LMLN: variants seen among roughly 807,000 people sequenced by gnomAD.
LMLN encodes the protein leishmanolysin like peptidase, also known as leishmanolysin-like peptidase.
LMLN carries 70 observed loss-of-function variants against 92.3 expected under a neutral mutation model. The observed-to-expected ratio is 0.76, with a 90% CI of 0.63 to 0.92. The LOEUF (loss-of-function observed/expected upper bound fraction) is 0.92, where lower values mean the gene tolerates loss of function less well. Among genes scored for constraint, LMLN ranks in the 40% least tolerant of loss-of-function variants. The pLI is 0.00. For missense variants in LMLN, 691 were observed against 814.6 expected (o/e 0.85, Z 1.85); for synonymous variants, 308 against 296.2 (o/e 1.04, Z -0.41).
rs146329892 is a variant in LMLN at position 198,000,080 on chromosome 3, C to T, written c.1232+738C>T. Among the ~76,000 whole-genome samples the T allele has an allele frequency of 5.2e-3, 785 of 151,754 alleles. 9 individuals are homozygous for T. Among genetic ancestry groups the T allele is most frequent in the Non-Finnish European group, 7.3e-3 (494 of 67,944 alleles). ...TTTTGTTTATTTTTTTAAGTAGAGA[C>T]AAGGTCTCACTCTATTGCCCAGGCT... On this transcript the variant is annotated intron_variant, in intron 11 of 15. Coordinates refer to ENST00000330198, the Ensembl canonical transcript of LMLN.
At chr3:198,024,271 A>G (rs776795384) in intron 13 of LMLN, among the ~76,000 whole-genome samples, 22 of 144,164 alleles carry the variant, frequency 1.5e-4, no homozygotes, top group African/African-American at 4.9e-4. Flanking sequence ...GCTGGAGTGC[A>G]GTGGTACAAT....
chr3:198,019,968 C>CT lies in LMLN; in HGVS notation c.1365+585dup, dbSNP rs1214930556. ...CTCCCCTTACCAGATTCAAGCGATT[C>CT]TTGTGCCTCAGCCTCCCGAGTAGCT... On this transcript the variant is annotated intron_variant, in intron 12 of 15. Coordinates refer to ENST00000330198, the Ensembl canonical transcript of LMLN. This position sits in a 1 kb window ranked among gnomAD's most constrained non-coding sequence, Gnocchi z 5.5. 6.6e-6 allele frequency among the ~76,000 whole-genome samples: 1 copy of CT among 152,176 alleles called. No individual in the cohort carries two copies. Among genetic ancestry groups the CT allele is most frequent in the Non-Finnish European group, 1.5e-5 (1 of 68,038 alleles).
At chr3:197,962,449 C>G (rs1720930293) in intron 1 of LMLN, among the ~76,000 whole-genome samples, 1 of 152,142 alleles carries the variant, frequency 6.6e-6, no homozygotes, top group African/African-American at 2.4e-5. Flanking sequence ...TATTCTTGTA[C>G]AGTAATTTTT....
rs776335971 is a variant in LMLN at position 197,976,581 on chromosome 3, G to T, written c.432-17G>T. On this transcript the variant is annotated splice_polypyrimidine_tract_variant and intron_variant, in intron 4 of 15. Coordinates refer to ENST00000330198, the Ensembl canonical transcript of LMLN. Reference sequence around the variant, plus strand: ...CTCTTTTTTGTATTTAAACTTTGATGTACAAATGGACTGAAGACAATGTGC... The same window carrying T: ...CTCTTTTTTGTATTTAAACTTTGATTTACAAATGGACTGAAGACAATGTGC... The T allele has an allele frequency of 7.1e-7, 1 of 1,402,352 alleles. No individual in the cohort carries two copies. The highest frequency in any genetic ancestry group is 9.8e-7 in the Non-Finnish European group (1 of 1,017,778). 86.9% of individuals were successfully genotyped at this position (1,402,352 alleles called of 1,614,324 possible).
chr3:198,035,555 G>A, intron 14 of LMLN, among the ~76,000 whole-genome samples: 1 of 151,626 alleles, frequency 6.6e-6, no homozygotes. Context: ...TAGAGACAGG[G>A]TTTCACCATG....
intron 14 of LMLN, among the ~76,000 whole-genome samples, chr3:198,034,242 A>C (rs1378192462): frequency 6.6e-6 from 1 of 152,246 alleles, no homozygotes; most frequent in African/African-American, 2.4e-5. Context: ...AAGTTTCAGA[A>C]GTGTTTAAAG....
At chr3:198,027,680 A>G (rs201579560) in intron 14 of LMLN, among the ~76,000 whole-genome samples, 5 of 152,220 alleles carry the variant, frequency 3.3e-5, no homozygotes, top group East Asian at 1.9e-4. Flanking sequence ...TGTGCCATGT[A>G]TCAGAACAGT....
intron 11 of LMLN, among the ~76,000 whole-genome samples, chr3:198,016,161 A>G (rs1014429516): frequency 4.0e-5 from 6 of 148,412 alleles, no homozygotes; most frequent in African/African-American, 9.9e-5. Flanking sequence ...ACTGCACTCC[A>G]GTGTGGGTGA....
chr3:198,038,198 G>A lies in LMLN; in HGVS notation c.1868-369G>A, dbSNP rs113299564. The A allele has an allele frequency of 2.4e-3, 523 of 218,388 alleles. 3 individuals carry two copies. Among genetic ancestry groups the A allele is most frequent in the African/African-American group, 0.011 (473 of 43,280 alleles). The allele number at this position is 218,388 out of a possible 1,614,324, so 13.5% of individuals were successfully genotyped here. On this transcript the variant is annotated intron_variant, in intron 15 of 15. Transcript: ENST00000330198. ...GCATTCTCAAAATGTACTAGTTTGT[G>A]TTGATAAATTATATGGTCACCCTAC... is the stretch of plus-strand genomic sequence containing the variant.
intron 4 of LMLN, chr3:197,976,369 C>A: frequency 2.1e-6 from 1 of 478,806 alleles, no homozygotes; most frequent in East Asian, 3.4e-5. Flanking sequence ...ACCTTTTTCC[C>A]TCTTTCATGT....
intron 7 of LMLN, 58 bp downstream of exon 7, chr3:197,984,106 C>A: frequency 9.0e-7 from 1 of 1,108,826 alleles, no homozygotes; most frequent in Non-Finnish European, 1.4e-6. Flanking sequence ...TTAGTATGTT[C>A]TCATTTTTAT....
intron 8 of LMLN, among the ~76,000 whole-genome samples, chr3:197,990,266 T>C (rs1421788190): frequency 6.6e-6 from 1 of 152,018 alleles, no homozygotes. Context: ...TCTTCCTGTA[T>C]TGCCTAGGCT....
intron 8 of LMLN, among the ~76,000 whole-genome samples, chr3:197,987,835 A>C (rs1167255555): frequency 6.6e-6 from 1 of 152,152 alleles, no homozygotes; most frequent in African/African-American, 2.4e-5. Context: ...TCAGTATCGG[A>C]TATTATAGAT....
In LMLN at chr3:198,035,555, G is replaced by T. The variant is rs139582506; in HGVS notation, c.1657-278G>T. 6.2e-3 allele frequency among the ~76,000 whole-genome samples: 941 copies of T among 151,742 alleles called. 3 individuals carry two copies. Among genetic ancestry groups the T allele is most frequent in the Non-Finnish European group, 8.6e-3 (587 of 67,934 alleles). ...TTTTTGTATTTTTAGTAGAGACAGG[G>T]TTTCACCATGTTGGCCAGGATGATC... On this transcript the variant is annotated intron_variant, in intron 14 of 15. Coordinates refer to ENST00000330198, the Ensembl canonical transcript of LMLN.
chr3:197,992,309 C>T (rs1721898035), intron 9 of LMLN, among the ~76,000 whole-genome samples: 1 of 152,074 alleles, frequency 6.6e-6, no homozygotes, highest in African/African-American at 2.4e-5. Context: ...CTCAGGTGAT[C>T]CGTGCGCCTT....
rs533878248 is a variant in LMLN at position 198,031,010 on chromosome 3, G to A, written c.1657-4823G>A. ...TTCCACCGTGACGCCTGCTGACAGC[G>A]TGGGAAGGCGGGACCTCACCTCTGC... On this transcript the variant is annotated intron_variant, in intron 14 of 15. Transcript: ENST00000330198. The surrounding 1 kb of genome is among the most constrained non-coding windows in gnomAD (Gnocchi z 4.8). Among the ~76,000 whole-genome samples the A allele has an allele frequency of 2.6e-5, 4 of 151,780 alleles. No individual in the cohort carries two copies. Among genetic ancestry groups the A allele is most frequent in the Admixed American group, 2.6e-4 (4 of 15,220 alleles).
intron 11 of LMLN, among the ~76,000 whole-genome samples, chr3:198,001,499 C>T (rs1018735089): frequency 6.6e-6 from 1 of 152,160 alleles, no homozygotes; most frequent in African/African-American, 2.4e-5. Context: ...GGGCTAAGGG[C>T]TTCTGAACCT....
At chr3:197,978,100 G>A (rs1381817951) in intron 5 of LMLN, among the ~76,000 whole-genome samples, 2 of 150,414 alleles carry the variant, frequency 1.3e-5, no homozygotes, top group Admixed American at 6.6e-5. Context: ...GCACACACAC[G>A]TTAAATATGG....
chr3:197,991,017 G>A (rs1235694566), intron 9 of LMLN, among the ~76,000 whole-genome samples: 1 of 152,074 alleles, frequency 6.6e-6, no homozygotes, highest in Non-Finnish European at 1.5e-5. Flanking sequence ...CCAATAGGAT[G>A]TGTGTATATA....
Sources: allele counts gnomAD v4.1 joint callset (sites outside exome capture counted in the v4.1 genomes callset), GRCh38; gene constraint gnomAD v4.1.1; non-coding constraint Gnocchi (gnomAD v3.1); transcripts MANE v1.5; gene names NCBI Gene and HGNC (gene_info 2026-07-23, HGNC 2026-07-21).